FUT8: variants seen among roughly 807,000 people sequenced by gnomAD.
FUT8 encodes the protein fucosyltransferase 8.
A neutral mutation model predicts 71.3 loss-of-function variants in FUT8; 29 were observed. The observed-to-expected ratio is 0.41, with a 90% confidence interval of 0.30 to 0.55. The LOEUF is 0.55. FUT8 is among the 20% of genes least tolerant of loss of function. The probability of loss-of-function intolerance (pLI) is 0.34; values close to 1 mark genes in which losing one functional copy is unlikely to be tolerated. For synonymous variants in FUT8, 254 were observed against 239.3 expected, an observed-to-expected ratio of 1.06 and a Z score of -0.57; for missense variants, 544 against 702.1, an observed-to-expected ratio of 0.77 and a Z score of 2.55.
chr14:65,380,378 G>C, the FUT8 span, among the ~76,000 whole-genome samples: 1 of 152,190 alleles, frequency 6.6e-6, no homozygotes, highest in Non-Finnish European at 1.5e-5. Flanking sequence ...TTCAAGTTGA[G>C]ATTTGGGTGG....
Position 65,574,863 on chromosome 14 carries a change from C to T in FUT8, c.203+13097C>T, listed in dbSNP as rs1886668909. On this transcript the variant is annotated intron_variant, in intron 3 of 10. Transcript: ENST00000673929. The surrounding 1 kb of genome is among the most constrained non-coding windows in gnomAD (Gnocchi z 5.2). ...ATGAGCAGATTCTGTGAAACATATC[C>T]TCTGAGGAGGAACCATAAGCATGGC... Among the ~76,000 whole-genome samples the T allele has an allele frequency of 6.6e-6, 1 of 152,216 alleles. No homozygotes were observed. Among genetic ancestry groups the T allele is most frequent in the Admixed American group, 6.5e-5 (1 of 15,282 alleles).
At chr14:65,612,831 G>A (rs1889069873) in intron 3 of FUT8, among the ~76,000 whole-genome samples, 1 of 152,150 alleles carries the variant, frequency 6.6e-6, no homozygotes, top group African/African-American at 2.4e-5. Flanking sequence ...TGGATTTTGA[G>A]TTGTTTCAGG....
At chr14:65,624,088 A>C (rs1410931947) in intron 5 of FUT8, among the ~76,000 whole-genome samples, 1 of 152,206 alleles carries the variant, frequency 6.6e-6, no homozygotes, top group Admixed American at 6.5e-5. Flanking sequence ...GATAACTTTC[A>C]AATATAATTG....
At chr14:65,383,252 T>C in the FUT8 span, among the ~76,000 whole-genome samples, 1 of 147,232 alleles carries the variant, frequency 6.8e-6, no homozygotes, top group Admixed American at 7.0e-5. Context: ...GGATTCTTTT[T>C]TCTTTTTCTT....
chr14:65,403,571 G>A, the FUT8 span, among the ~76,000 whole-genome samples: 1 of 152,150 alleles, frequency 6.6e-6, no homozygotes, highest in Admixed American at 6.5e-5. Context: ...TCAGACTTTT[G>A]TCAGTTTGGT....
At chr14:65,545,487 G>A (rs1477587970) in intron 2 of FUT8, among the ~76,000 whole-genome samples, 2 of 151,834 alleles carry the variant, frequency 1.3e-5, no homozygotes, top group African/African-American at 2.4e-5. Context: ...AAATGAGTGT[G>A]AAATATGTCA....
intron 3 of FUT8, among the ~76,000 whole-genome samples, chr14:65,599,409 A>G (rs994312131): frequency 6.6e-6 from 1 of 152,226 alleles, no homozygotes; most frequent in Non-Finnish European, 1.5e-5. Context: ...GCTTGAAAGG[A>G]GGCAAAAGTT....
chr14:65,409,978 G>A (rs533255843), upstream of FUT8, among the ~76,000 whole-genome samples: 30 of 152,286 alleles, frequency 2.0e-4, no homozygotes, highest in Admixed American at 6.5e-4. This position sits in a 1 kb window ranked among gnomAD's most constrained non-coding sequence, Gnocchi z 5.4. Flanking sequence ...TGGCAGTGAT[G>A]AGCAGCAGAG....
At chr14:65,622,927 T>TTTTTTTG (rs398025457) in intron 5 of FUT8, among the ~76,000 whole-genome samples, 1 of 150,558 alleles carries the variant, frequency 6.6e-6, no homozygotes, top group African/African-American at 2.4e-5. Flanking sequence ...TTTTTTTTTT[T>TTTTTTTG]GAGGCAGTGT....
intron 1 of FUT8, among the ~76,000 whole-genome samples, chr14:65,453,219 G>A (rs1292227612): frequency 6.6e-6 from 1 of 151,608 alleles, no homozygotes; most frequent in Non-Finnish European, 1.5e-5. Context: ...GGTCATGGCA[G>A]TATTAAACTC....
chr14:65,498,619 T>G (rs1250145027), intron 2 of FUT8, among the ~76,000 whole-genome samples: 3 of 152,206 alleles, frequency 2.0e-5, no homozygotes, highest in Non-Finnish European at 1.5e-5. Context: ...TATCTGCCAG[T>G]ACAACAATGT....
At chr14:65,526,995 A>G (rs1280371491) in intron 2 of FUT8, among the ~76,000 whole-genome samples, 1 of 151,964 alleles carries the variant, frequency 6.6e-6, no homozygotes. Flanking sequence ...TGCCCTTAAC[A>G]TTTTTTCCTT....
chr14:65,620,994 A>G (rs1257293019), intron 5 of FUT8, among the ~76,000 whole-genome samples: 1 of 152,188 alleles, frequency 6.6e-6, no homozygotes, highest in East Asian at 1.9e-4. Flanking sequence ...TGTCTCCTAA[A>G]ATAAAGTTTG....
chr14:65,564,786 T>G (rs1394635322), intron 3 of FUT8, among the ~76,000 whole-genome samples: 1 of 152,080 alleles, frequency 6.6e-6, no homozygotes, highest in Non-Finnish European at 1.5e-5. Flanking sequence ...TGTAGCCTTT[T>G]GAGTCTGTCT....
At chr14:65,435,767 C>CT (rs1215394325) in intron 1 of FUT8, among the ~76,000 whole-genome samples, 1 of 150,386 alleles carries the variant, frequency 6.6e-6, no homozygotes, top group East Asian at 1.9e-4. Flanking sequence ...CTTACTAGCA[C>CT]TTGGTAGTAT....
At chr14:65,418,735 C>G (rs1406851945) in intron 1 of FUT8, among the ~76,000 whole-genome samples, 1 of 152,134 alleles carries the variant, frequency 6.6e-6, no homozygotes, top group African/African-American at 2.4e-5. Context: ...TTGTCATCCT[C>G]TTCTAGCAAT....
chr14:65,555,968 A>G (rs1402686558), intron 2 of FUT8, among the ~76,000 whole-genome samples: 1 of 152,226 alleles, frequency 6.6e-6, no homozygotes, highest in East Asian at 1.9e-4. Flanking sequence ...AGGTATTAGC[A>G]GAATACATAA....
At chr14:65,599,034 C>T (rs1201698256) in intron 3 of FUT8, among the ~76,000 whole-genome samples, 4 of 152,234 alleles carry the variant, frequency 2.6e-5, no homozygotes, top group Middle Eastern at 3.4e-3. Context: ...CGTGATCTGC[C>T]CACCTTGGCC....
At chr14:65,504,172 T>A (rs1319965383) in intron 2 of FUT8, among the ~76,000 whole-genome samples, 2 of 152,218 alleles carry the variant, frequency 1.3e-5, no homozygotes, top group Non-Finnish European at 1.5e-5. Context: ...CATGTTCTTT[T>A]TTAGGAAAAA....
Sources: allele counts gnomAD v4.1 joint callset (sites outside exome capture counted in the v4.1 genomes callset), GRCh38; gene constraint gnomAD v4.1.1; non-coding constraint Gnocchi (gnomAD v3.1); transcripts MANE v1.5; gene names NCBI Gene and HGNC (gene_info 2026-07-23, HGNC 2026-07-21).